BTBD2: variants seen among roughly 807,000 people sequenced by gnomAD.
The protein encoded by BTBD2 is BTB/POZ domain-containing protein 2.
A neutral mutation model predicts 44.0 loss-of-function variants in BTBD2; 15 were observed. That is an observed-to-expected ratio of 0.34 (90% CI 0.23 to 0.53). BTBD2 has a LOEUF of 0.53. Ranked by LOEUF, BTBD2 falls within the 20% of genes least tolerant of loss-of-function variation. The pLI, the probability that BTBD2 is intolerant of heterozygous loss-of-function variation, is 0.95. For synonymous variants in BTBD2, 443 were observed against 335.9 expected (o/e 1.32, Z -3.49); for missense variants, 657 against 746.4 (o/e 0.88, Z 1.39).
chr19:2,002,972 C>T (rs1437258326), intron 1 of BTBD2: 1 of 151,948 alleles, frequency 6.6e-6, no homozygotes, highest in Non-Finnish European at 1.5e-5. Context: ...ACACACAGTG[C>T]CAGAACTCCT....
chr19:1,993,361 T>C (rs895721630), intron 2 of BTBD2, among the ~76,000 whole-genome samples, 185 bp from the exon 3 acceptor site: 3 of 152,040 alleles, frequency 2.0e-5, no homozygotes, highest in Admixed American at 6.6e-5. Context: ...CCCTCTGACA[T>C]AGGGACACGA....
chr19:1,988,710 TCTC>T (rs1357945274), intron 5 of BTBD2: 15 of 149,854 alleles, frequency 1.0e-4, no homozygotes, highest in African/African-American at 3.6e-4. Context: ...TTCAAGCAAT[TCTC>T]CTGCCTCAGC....
intron 2 of BTBD2, among the ~76,000 whole-genome samples, chr19:1,995,543 A>C (rs1294380128): frequency 6.6e-6 from 1 of 151,746 alleles, no homozygotes; most frequent in African/African-American, 2.4e-5. Context: ...CGGCCTCCCA[A>C]AGTGCTGGGA....
intron 1 of BTBD2, among the ~76,000 whole-genome samples, chr19:1,998,033 A>G (rs557686735): frequency 3.3e-5 from 5 of 152,234 alleles, no homozygotes; most frequent in African/African-American, 1.2e-4. Flanking sequence ...TCACTTGCTC[A>G]TTTATGACAC....
In BTBD2 at chr19:1,993,496, G is replaced by A. The variant is rs1474329250; in HGVS notation, c.528-320C>T. ...GATGCCCCAGGAGAGGGCACTGGGA[G>A]CTGGGTGTCTCCTTCTTGGGCACCT... On this transcript the variant is annotated intron_variant, in intron 2 of 8. Transcript: ENST00000255608. Among the ~76,000 whole-genome samples, 9 of 152,152 alleles carry A rather than the reference G, an allele frequency of 5.9e-5. No individual in the cohort carries two copies. The East Asian group carries it at 1.5e-3, about 26-fold the overall frequency.
rs751694633 is a variant in BTBD2 at position 1,990,185 on chromosome 19, G to A, written c.807C>T (p.Val269=). 1.2e-6 allele frequency: 2 copies of A among 1,602,888 alleles called. No individual in the cohort carries two copies. Among genetic ancestry groups the A allele is most frequent in the East Asian group, 2.3e-5 (1 of 44,224 alleles). ...GGATGCCCAGTGTGTCGCGCTCCAG[G>A]ACAGCCACCAGCGTGTCTGTGGGGT... The part of the protein sequence containing the change: ...TDIDLDTLVA[V]LERDTLGIRE... Residue 269 remains valine, a synonymous_variant, in exon 5 of 9, where the codon GTC becomes GTT. Coordinates refer to ENST00000255608, the MANE Select transcript of BTBD2 (RefSeq NM_017797.4).
intron 1 of BTBD2, among the ~76,000 whole-genome samples, chr19:2,007,159 T>A (rs577442342): frequency 6.6e-6 from 1 of 151,878 alleles, no homozygotes; most frequent in African/African-American, 2.4e-5. Flanking sequence ...CCCAGCCACT[T>A]TTTGTATTTT....
chr19:1,992,648 T>C (rs1300457390), intron 3 of BTBD2, among the ~76,000 whole-genome samples: 1 of 152,088 alleles, frequency 6.6e-6, no homozygotes, highest in Non-Finnish European at 1.5e-5. Context: ...CTCGGCTCAC[T>C]GCAACCTCCA....
Position 1,986,171 on chromosome 19 carries a change from G to A in BTBD2, c.*317C>T, listed in dbSNP as rs147638440. 9.6e-5 allele frequency: 35 copies of A among 365,998 alleles called. No homozygotes were observed. Among genetic ancestry groups the A allele is most frequent in the East Asian group, 5.8e-4 (12 of 20,564 alleles). The allele number at this position is 365,998 out of a possible 1,614,324, so 22.7% of individuals were successfully genotyped here. A position where few individuals can be genotyped will look rare whatever the true frequency, so the allele number is the denominator to read the frequency against. ...CCGCGGCGCACCGCCGGCAGACGACGTGGGCAGGCGCCCTGAGCTGCGGGT... is the reference window on the plus strand; with the variant it reads ...CCGCGGCGCACCGCCGGCAGACGACATGGGCAGGCGCCCTGAGCTGCGGGT... On this transcript the variant is annotated 3_prime_UTR_variant, in exon 9 of 9. Coordinates refer to ENST00000255608, the MANE Select transcript of BTBD2 (RefSeq NM_017797.4).
At chr19:2,010,312 G>C (rs571711511) in intron 1 of BTBD2, among the ~76,000 whole-genome samples, 1 of 152,316 alleles carries the variant, frequency 6.6e-6, no homozygotes, top group Admixed American at 6.5e-5. Context: ...ATCACTGCGT[G>C]CCTACTGTGT....
intron 5 of BTBD2, 95 bp downstream of exon 5, chr19:1,989,909 C>T (rs184172737): frequency 3.1e-4 from 437 of 1,414,048 alleles, no homozygotes; most frequent in Non-Finnish European, 4.1e-4. Context: ...GCCAGGCTTT[C>T]CGCAGTGAAC....
At chr19:1,994,412 C>T (rs62129504) in intron 2 of BTBD2, among the ~76,000 whole-genome samples, 1 of 152,002 alleles carries the variant, frequency 6.6e-6, no homozygotes, top group Non-Finnish European at 1.5e-5. Flanking sequence ...AGAGGATTGC[C>T]TGAGACCAGG....
Position 1,986,152 on chromosome 19 carries a change from C to G in BTBD2, c.*336G>C. 2.9e-6 allele frequency: 1 copy of G among 350,496 alleles called. No individual in the cohort carries two copies. Among genetic ancestry groups the G allele is most frequent in the Non-Finnish European group, 5.3e-6 (1 of 187,886 alleles). The allele number at this position is 350,496 out of a possible 1,614,324, so 21.7% of individuals were successfully genotyped here. A position where few individuals can be genotyped will look rare whatever the true frequency, so the allele number is the denominator to read the frequency against. ...GAAGAGACGCGAGGGACGCCCGCGG[C>G]GCACCGCCGGCAGACGACGTGGGCA... is the stretch of plus-strand genomic sequence containing the variant. On this transcript the variant is annotated 3_prime_UTR_variant, in exon 9 of 9. Coordinates refer to ENST00000255608, the MANE Select transcript of BTBD2 (RefSeq NM_017797.4).
intron 1 of BTBD2, among the ~76,000 whole-genome samples, chr19:2,008,497 G>T (rs563593487): frequency 7.9e-5 from 12 of 151,170 alleles, no homozygotes; most frequent in Middle Eastern, 3.4e-3. Flanking sequence ...CACTATGTTG[G>T]CCAAGTTGAT....
chr19:2,013,721 G>A (rs911274578), intron 1 of BTBD2: 19 of 975,834 alleles, frequency 1.9e-5, no homozygotes, highest in Non-Finnish European at 2.1e-5. Flanking sequence ...GGGTATCCCT[G>A]GAGGGGAGCA....
At chr19:2,003,788 G>C (rs1043797168) in intron 1 of BTBD2, among the ~76,000 whole-genome samples, 1 of 134,838 alleles carries the variant, frequency 7.4e-6, no homozygotes, top group East Asian at 2.4e-4. Context: ...AAAAAAAAAA[G>C]AGAAAGAAAA....
At chr19:2,010,123 G>C (rs919859991) in intron 1 of BTBD2, among the ~76,000 whole-genome samples, 4 of 152,328 alleles carry the variant, frequency 2.6e-5, no homozygotes, top group African/African-American at 9.6e-5. Context: ...CTGGACTCCA[G>C]CCTGGGCAAC....
chr19:2,009,645 T>TTGAGACTAGCCCGGCTAACATGGTGAAA, intron 1 of BTBD2, among the ~76,000 whole-genome samples: 1 of 150,036 alleles, frequency 6.7e-6, no homozygotes, highest in South Asian at 2.1e-4. Flanking sequence ...GCTCAGGAGT[T>TTGAGACTAGCCCGGCTAACATGGTGAAA]CACCATCACC....
chr19:2,001,477 C>T, intron 1 of BTBD2, among the ~76,000 whole-genome samples: 1 of 152,118 alleles, frequency 6.6e-6, no homozygotes, highest in Non-Finnish European at 1.5e-5. Context: ...GGGCTACAAG[C>T]CTGAGACTCC....
Sources: gnomAD v4.1 joint callset for allele counts (sites outside exome capture counted in the v4.1 genomes callset) on GRCh38, gnomAD v4.1.1 for gene constraint, MANE v1.5 for transcripts, NCBI Gene and HGNC (gene_info 2026-07-23, HGNC 2026-07-21) for gene names.